Variants in ZNF609 observed in about 807,000 individuals in gnomAD.
ZNF609 encodes the protein zinc finger protein 609.
Under a neutral mutation model 109.5 loss-of-function variants are expected in ZNF609, and 11 were observed. The ratio of observed to expected loss-of-function variants is 0.10; its 90% CI spans 0.06 to 0.17. The LOEUF is 0.17. ZNF609 is among the 10% of genes least tolerant of loss of function. ZNF609 has a pLI of 1.00. For missense variants in ZNF609, 1,559 were observed against 1,772.4 expected (o/e 0.88, Z 2.16); for synonymous variants, 646 against 662.0 (o/e 0.98, Z 0.37).
At chr15:64,672,374 C>G (rs1176503012) in intron 4 of ZNF609, among the ~76,000 whole-genome samples, 2 of 150,396 alleles carry the variant, frequency 1.3e-5, no homozygotes, top group Non-Finnish European at 3.0e-5. Flanking sequence ...CCTGTAATCC[C>G]AGCACTTTGG....
At chr15:64,597,609 C>A (rs967517728) in intron 2 of ZNF609, among the ~76,000 whole-genome samples, 1 of 152,178 alleles carries the variant, frequency 6.6e-6, no homozygotes, top group African/African-American at 2.4e-5. Context: ...AGATAGGATT[C>A]TGGTTGCCAC....
chr15:64,597,538 T>A (rs1229151509), intron 2 of ZNF609, among the ~76,000 whole-genome samples: 1 of 152,210 alleles, frequency 6.6e-6, no homozygotes, highest in African/African-American at 2.4e-5. Flanking sequence ...TTTAATTTGA[T>A]AAGCAGCAGC....
chr15:64,557,267 G>C (rs1038243255), intron 2 of ZNF609, among the ~76,000 whole-genome samples: 1 of 150,860 alleles, frequency 6.6e-6, no homozygotes, highest in Non-Finnish European at 1.5e-5. Context: ...TAGATGGTCA[G>C]ATTTTTTGTA....
intron 2 of ZNF609, among the ~76,000 whole-genome samples, chr15:64,515,893 G>A (rs1051759799): frequency 6.6e-6 from 1 of 150,416 alleles, no homozygotes; most frequent in African/African-American, 2.5e-5. Context: ...AGCTGAGATC[G>A]CGCCATTGCA....
intron 2 of ZNF609, among the ~76,000 whole-genome samples, chr15:64,592,251 T>A (rs1181464173): frequency 3.9e-5 from 6 of 152,150 alleles, no homozygotes. Context: ...TATAGTTAAT[T>A]GGTTAAATGA....
At chr15:64,475,172 T>G (rs12906241) in intron 1 of ZNF609, among the ~76,000 whole-genome samples, 62 of 149,714 alleles carry the variant, frequency 4.1e-4, no homozygotes, top group Non-Finnish European at 7.0e-4. Context: ...TTTCTTAGGG[T>G]TTTTTTTTCT....
At chr15:64,603,952 C>G (rs1033145985) in intron 2 of ZNF609, among the ~76,000 whole-genome samples, 1 of 135,566 alleles carries the variant, frequency 7.4e-6, no homozygotes. Context: ...AAGCCGAGAT[C>G]ACACCACTAC....
At chr15:64,461,474 G>A (rs980035177) in intron 1 of ZNF609, among the ~76,000 whole-genome samples, 1 of 152,120 alleles carries the variant, frequency 6.6e-6, no homozygotes, top group Non-Finnish European at 1.5e-5. Context: ...GAAAACCCAT[G>A]CTGCCCTCTT....
intron 3 of ZNF609, among the ~76,000 whole-genome samples, chr15:64,626,826 C>G (rs1211383908): frequency 6.6e-6 from 1 of 152,206 alleles, no homozygotes; most frequent in African/African-American, 2.4e-5. Context: ...TGACTAGATT[C>G]AACCGTGGGA....
intron 2 of ZNF609, among the ~76,000 whole-genome samples, chr15:64,553,901 A>G (rs1459953119): frequency 6.6e-6 from 1 of 152,164 alleles, no homozygotes; most frequent in East Asian, 1.9e-4. Context: ...CCTGGCCTAT[A>G]AAATTTATTT....
intron 2 of ZNF609, among the ~76,000 whole-genome samples, chr15:64,527,197 C>T (rs1893979317): frequency 6.7e-6 from 1 of 150,004 alleles, no homozygotes; most frequent in African/African-American, 2.5e-5. Context: ...CTGTTCATCA[C>T]ATATTTATTG....
chr15:64,577,025 T>TAAATATATGTATATATACACATAA, intron 2 of ZNF609, among the ~76,000 whole-genome samples: 1 of 42,254 alleles, frequency 2.4e-5, no homozygotes, highest in Non-Finnish European at 6.0e-5. Context: ...TACACATAAA[T>TAAATATATGTATATATACACATAA]ATATATATGT....
chr15:64,516,616 G>C (rs1893815284), intron 2 of ZNF609, among the ~76,000 whole-genome samples: 1 of 152,140 alleles, frequency 6.6e-6, no homozygotes. Flanking sequence ...AAGCTCAAAT[G>C]ATCCTCCTGC....
intron 2 of ZNF609, among the ~76,000 whole-genome samples, chr15:64,601,545 T>C (rs1223930458): frequency 1.3e-5 from 2 of 152,248 alleles, no homozygotes. Context: ...AAAAGATGAA[T>C]GTGCTTAAGC....
chr15:64,514,463 TA>T (rs779978132), intron 2 of ZNF609, among the ~76,000 whole-genome samples: 21 of 152,316 alleles, frequency 1.4e-4, no homozygotes, highest in Non-Finnish European at 2.4e-4. Flanking sequence ...CCTCAGATCT[TA>T]TCGTTGAATT....
intron 1 of ZNF609, among the ~76,000 whole-genome samples, chr15:64,494,171 C>A (rs1479593388): frequency 6.6e-6 from 1 of 152,188 alleles, no homozygotes; most frequent in Non-Finnish European, 1.5e-5. Context: ...GATATGTTTT[C>A]TTTGCATCCT....
chr15:64,483,917 G>A (rs1035861380), intron 1 of ZNF609, among the ~76,000 whole-genome samples: 15 of 152,134 alleles, frequency 9.9e-5, no homozygotes, highest in Admixed American at 9.8e-4. Flanking sequence ...TCTAGGGAGA[G>A]TAAATAGTAG....
intron 2 of ZNF609, chr15:64,500,526 G>T (rs1893546498): frequency 3.3e-6 from 2 of 613,264 alleles, no homozygotes; most frequent in Non-Finnish European, 5.8e-6. Context: ...CAGCTTGACT[G>T]GCATTTCATC....
chr15:64,547,497 T>C (rs190202017), intron 2 of ZNF609, among the ~76,000 whole-genome samples: 1 of 152,318 alleles, frequency 6.6e-6, no homozygotes, highest in East Asian at 1.9e-4. Context: ...ACAAGGCTGC[T>C]TTGCCCTCTG....
Sources: gnomAD v4.1 joint callset for allele counts (sites outside exome capture counted in the v4.1 genomes callset) on GRCh38, gnomAD v4.1.1 for gene constraint, MANE v1.5 for transcripts, NCBI Gene and HGNC (gene_info 2026-07-23, HGNC 2026-07-21) for gene names.